SNX31: variants seen among roughly 807,000 people sequenced by gnomAD.
The protein encoded by SNX31 is sorting nexin-31.
Under a neutral mutation model 65.4 loss-of-function variants are expected in SNX31, and 58 were observed. The observed-to-expected ratio is 0.89, with a 90% confidence interval of 0.72 to 1.10. The LOEUF (loss-of-function observed/expected upper bound fraction) is 1.10. Ranked by LOEUF, SNX31 falls within the 50% of genes least tolerant of loss-of-function variation. SNX31 has a pLI of 0.00. For missense variants in SNX31, 523 were observed against 529.7 expected, an observed-to-expected ratio of 0.99 and a Z score of 0.12; for synonymous variants, 181 against 190.1, an observed-to-expected ratio of 0.95 and a Z score of 0.39.
At chr8:100,599,860 G>A (rs1230287839) in intron 9 of SNX31, among the ~76,000 whole-genome samples, 1 of 152,144 alleles carries the variant, frequency 6.6e-6, no homozygotes, top group Non-Finnish European at 1.5e-5. Flanking sequence ...AATAGAACAC[G>A]TACTCAAAGA....
chr8:100,629,040 G>A lies in SNX31; in HGVS notation c.321+1287C>T, dbSNP rs1818248881. On this transcript the variant is annotated intron_variant, in intron 4 of 13. Transcript: ENST00000311812. The surrounding 1 kb of genome is among the most constrained non-coding windows in gnomAD (Gnocchi z 5.1). ...ACAGGTTTGTAGCCTAGGGGCAGTA[G>A]GCTCTACCATCTAGGTTTGTGGTGT... Among the ~76,000 whole-genome samples the A allele has an allele frequency of 6.6e-6, 1 of 152,096 alleles. No individual in the cohort carries two copies. Among genetic ancestry groups the A allele is most frequent in the Non-Finnish European group, 1.5e-5 (1 of 68,024 alleles).
At chr8:100,644,024 A>C (rs773083765) in intron 2 of SNX31, among the ~76,000 whole-genome samples, 1 of 152,156 alleles carries the variant, frequency 6.6e-6, no homozygotes. Flanking sequence ...AGGTAGACTA[A>C]AACCAGGAGT....
At position 100,573,909 on chromosome 8, in the gene SNX31, T is replaced by G. The variant is rs775693920; in HGVS notation, c.1279A>C (p.Lys427Gln). The change falls in exon 14 of 14, where the codon AAA (lysine) becomes CAA (glutamine). Residue 427 changes from lysine (K) to glutamine (Q), a missense_variant. Lys to Gln is a moderately conservative substitution (Grantham distance 53). Coordinates refer to ENST00000311812, the MANE Select transcript of SNX31 (RefSeq NM_152628.4). Reference sequence around the variant, plus strand: ...ATGTTCCCAAAAACGCAGTCATCTTTAGCTATCTTAATCTTGCTTTTTCTT... The same window carrying G: ...ATGTTCCCAAAAACGCAGTCATCTTGAGCTATCTTAATCTTGCTTTTTCTT... ...LSRKSKIKIA[K>Q]DDCVFGNIKE... 8 of 1,591,438 alleles carry G rather than the reference T, an allele frequency of 5.0e-6. No homozygotes were observed. The highest frequency in any genetic ancestry group is 2.7e-5 in the African/African-American group (2 of 73,628).
rs981590359 is a variant in SNX31, at chr8:100,614,041, T to C, written c.433-956A>G. The stretch of plus-strand genomic sequence containing the variant: ...ACAGGGGGCCTTCTCTTGTCAGAGA[T>C]ACATAAATTACCCCCAGGAAGCAGT... On this transcript the variant is annotated intron_variant, in intron 5 of 13. Coordinates refer to ENST00000311812, the MANE Select transcript of SNX31 (RefSeq NM_152628.4). This position sits in a 1 kb window ranked among gnomAD's most constrained non-coding sequence, Gnocchi z 5.1. Among the ~76,000 whole-genome samples the C allele has an allele frequency of 2.6e-5, 4 of 152,182 alleles. No homozygotes were observed. The highest frequency in any genetic ancestry group is 5.9e-5 in the Non-Finnish European group (4 of 68,042).
chr8:100,637,427 T>A (rs973916398), intron 2 of SNX31, among the ~76,000 whole-genome samples: 2 of 152,218 alleles, frequency 1.3e-5, no homozygotes, highest in African/African-American at 4.8e-5. Context: ...AAAATGAGGC[T>A]GCAAACAGCA....
chr8:100,623,227 G>A (rs1309545472), intron 4 of SNX31, among the ~76,000 whole-genome samples: 2 of 152,142 alleles, frequency 1.3e-5, no homozygotes, highest in Admixed American at 6.5e-5. Flanking sequence ...GCAAGGGTGG[G>A]TGGAGGTGCC....
intron 10 of SNX31, among the ~76,000 whole-genome samples, chr8:100,596,237 G>C (rs970213491): frequency 2.0e-5 from 3 of 152,222 alleles, no homozygotes; most frequent in Non-Finnish European, 4.4e-5. Context: ...CTTGGGAGAA[G>C]CTGGCAATGC....
In SNX31 at chr8:100,608,565, T is replaced by C. The variant is rs1431856240; in HGVS notation, c.612-2A>G. ...GAGTCGAGGGATGGAGCCATATACC[T>C]GCAAAATTCAGGAGTGTGAAATTCA... On this transcript the variant is annotated splice_acceptor_variant, in intron 7 of 13. Coordinates refer to ENST00000311812, the MANE Select transcript of SNX31 (RefSeq NM_152628.4). LOFTEE classifies it high-confidence loss of function. 1 of 1,613,532 alleles carries C rather than the reference T, an allele frequency of 6.2e-7. No individual in the cohort carries two copies. The highest frequency in any genetic ancestry group is 8.5e-7 in the Non-Finnish European group (1 of 1,179,696).
At chr8:100,624,574 T>C (rs1817919577) in intron 4 of SNX31, among the ~76,000 whole-genome samples, 1 of 152,230 alleles carries the variant, frequency 6.6e-6, no homozygotes, top group Admixed American at 6.5e-5. Context: ...TCAAAAGATC[T>C]TGGTGTGATG....
chr8:100,596,536 G>A lies in SNX31; in HGVS notation c.978+103C>T, dbSNP rs765783632. On this transcript the variant is annotated intron_variant, in intron 10 of 13. Coordinates refer to ENST00000311812, the MANE Select transcript of SNX31 (RefSeq NM_152628.4). ...TGGCTTAGATGTCACTCCACTCAAG[G>A]TACAGATTCAAATGGCAAACCTGTC... is the stretch of plus-strand genomic sequence containing the variant. 7 of 921,868 alleles carry A rather than the reference G, an allele frequency of 7.6e-6. No individual in the cohort carries two copies. The Middle Eastern group carries it at 6.5e-4, about 86-fold the overall frequency. 57.1% of individuals were successfully genotyped at this position (921,868 alleles called of 1,614,324 possible).
chr8:100,656,760 T>C (rs1355722105), intron 1 of SNX31, among the ~76,000 whole-genome samples: 2 of 152,162 alleles, frequency 1.3e-5, no homozygotes, highest in East Asian at 1.9e-4. Flanking sequence ...TAACGATTTG[T>C]TGACCCTAAA....
intron 4 of SNX31, among the ~76,000 whole-genome samples, chr8:100,619,522 C>T (rs917648690): frequency 2.0e-5 from 3 of 152,202 alleles, no homozygotes; most frequent in African/African-American, 7.2e-5. Flanking sequence ...CATCAGAGTT[C>T]AGGGAAGCAC....
intron 4 of SNX31, chr8:100,619,999 G>A (rs1347064633): frequency 6.6e-6 from 1 of 152,076 alleles, no homozygotes; most frequent in African/African-American, 2.4e-5. Context: ...CTGAATTTGT[G>A]TTGCGGAAAT....
chr8:100,602,243 G>C (rs900176944), intron 8 of SNX31, among the ~76,000 whole-genome samples: 1 of 152,210 alleles, frequency 6.6e-6, no homozygotes, highest in Admixed American at 6.5e-5. Flanking sequence ...ATATTGGCAG[G>C]CTATGCTTTA....
intron 12 of SNX31, among the ~76,000 whole-genome samples, chr8:100,579,654 T>C (rs1363760760): frequency 6.6e-6 from 1 of 152,178 alleles, no homozygotes; most frequent in East Asian, 1.9e-4. Flanking sequence ...GCCTTTTAAA[T>C]AGTTTCACCT....
chr8:100,637,720 G>A (rs1818878322), intron 2 of SNX31, among the ~76,000 whole-genome samples: 1 of 152,128 alleles, frequency 6.6e-6, no homozygotes, highest in Non-Finnish European at 1.5e-5. Flanking sequence ...TTTTGAGACA[G>A]AGTCTCGCTC....
In SNX31 at chr8:100,660,198, A is replaced by C. The variant is rs2131317045; in HGVS notation, c.-58+2944T>G. On this transcript the variant is annotated intron_variant, in intron 1 of 5. Coordinates refer to the SNX31 transcript ENST00000520352. The surrounding 1 kb of genome is among the most constrained non-coding windows in gnomAD (Gnocchi z 4.1). ...TCCAGAGAACCATTTTACGTAAACT[A>C]CTTTGTTCAATCTTCACACCTACCC... 6.6e-6 allele frequency among the ~76,000 whole-genome samples: 1 copy of C among 152,298 alleles called. No individual in the cohort carries two copies. The highest frequency in any genetic ancestry group is 1.5e-5 in the Non-Finnish European group (1 of 68,018).
At chr8:100,656,871 A>T (rs1316002904) in intron 1 of SNX31, among the ~76,000 whole-genome samples, 1 of 151,976 alleles carries the variant, frequency 6.6e-6, no homozygotes, top group East Asian at 1.9e-4. Flanking sequence ...TCCTCTCTTC[A>T]TGTGTAATGG....
At chr8:100,637,090 C>G (rs928902657) in intron 2 of SNX31, among the ~76,000 whole-genome samples, 2 of 152,302 alleles carry the variant, frequency 1.3e-5, no homozygotes, top group African/African-American at 4.8e-5. Flanking sequence ...GACATATGAT[C>G]CCAAGTAGAA....
Sources: gnomAD v4.1 joint callset for allele counts (sites outside exome capture counted in the v4.1 genomes callset) on GRCh38, gnomAD v4.1.1 for gene constraint, Gnocchi (gnomAD v3.1) non-coding constraint, MANE v1.5 for transcripts, NCBI Gene and HGNC (gene_info 2026-07-23, HGNC 2026-07-21) for gene names.